PLCB1: variants seen among roughly 807,000 people sequenced by gnomAD.
The protein encoded by PLCB1 is phospholipase C beta 1, also known as 1-phosphatidylinositol 4,5-bisphosphate phosphodiesterase beta-1.
PLCB1 carries 46 observed loss-of-function variants against 161.8 expected under a neutral mutation model. The ratio of observed to expected loss-of-function variants is 0.28; its 90% CI spans 0.22 to 0.36. PLCB1 has a LOEUF of 0.36. Among genes scored for constraint, PLCB1 ranks in the 10% least tolerant of loss-of-function variants. The pLI is 1.00. For synonymous variants in PLCB1, 517 were observed against 503.7 expected, an observed-to-expected ratio of 1.03 and a Z score of -0.35; for missense variants, 1,016 against 1,472.5, an observed-to-expected ratio of 0.69 and a Z score of 5.07.
chr20:8,688,856 G>GA (rs1351987807), intron 10 of PLCB1, among the ~76,000 whole-genome samples: 12 of 152,104 alleles, frequency 7.9e-5, no homozygotes, highest in African/African-American at 2.7e-4. Context: ...ATGAATTTTA[G>GA]AATTGTTTTT....
intron 3 of PLCB1, among the ~76,000 whole-genome samples, chr20:8,427,496 C>G (rs1302573603): frequency 6.6e-6 from 1 of 152,162 alleles, no homozygotes; most frequent in African/African-American, 2.4e-5. Context: ...TTTAAAAAGA[C>G]TTTGAGTAAA....
Position 8,667,292 on chromosome 20 carries a change from C to T in PLCB1, c.862+8588C>T, listed in dbSNP as rs138460567. ...CCTCCTATTGACTCTCTAACCTCTG[C>T]GGAAGGTTACAGAAAAATGGCATTG... On this transcript the variant is annotated intron_variant, in intron 9 of 31. Transcript: ENST00000338037. Among the ~76,000 whole-genome samples the T allele has an allele frequency of 5.0e-3, 760 of 152,244 alleles. 2 individuals carry two copies. The highest frequency in any genetic ancestry group is 8.7e-3 in the Non-Finnish European group (589 of 68,022).
chr20:8,751,304 C>T (rs1306019138), intron 23 of PLCB1: 2 of 155,006 alleles, frequency 1.3e-5, no homozygotes, highest in African/African-American at 4.8e-5. Context: ...TCTAATAGCC[C>T]AGTAATACAT....
chr20:8,670,106 A>G (rs1212655581), intron 9 of PLCB1, among the ~76,000 whole-genome samples: 2 of 152,218 alleles, frequency 1.3e-5, no homozygotes, highest in Non-Finnish European at 2.9e-5. Flanking sequence ...CAGTACTTAT[A>G]CAAATCCATG....
At chr20:8,381,249 G>T (rs564509454) in intron 3 of PLCB1, among the ~76,000 whole-genome samples, 5 of 152,202 alleles carry the variant, frequency 3.3e-5, no homozygotes, top group Non-Finnish European at 7.3e-5. Context: ...TACATATATT[G>T]ATTTGCATAT....
At chr20:8,300,880 G>A (rs1983879579) in intron 2 of PLCB1, among the ~76,000 whole-genome samples, 1 of 152,180 alleles carries the variant, frequency 6.6e-6, no homozygotes, top group African/African-American at 2.4e-5. Flanking sequence ...CCAGGCTAGA[G>A]TGCTGCTTAC....
At chr20:8,751,675 G>A (rs934807601) in intron 23 of PLCB1, 1 of 152,058 alleles carries the variant, frequency 6.6e-6, no homozygotes, top group Non-Finnish European at 1.5e-5. Context: ...TACTTCTGTG[G>A]TTCATTCTGC....
rs1476803730 is a variant in PLCB1 at position 8,739,355 on chromosome 20, G to A, written c.2303G>A (p.Arg768Gln). 1.9e-6 allele frequency: 3 copies of A among 1,601,066 alleles called. No homozygotes were observed. The highest frequency in any genetic ancestry group is 2.2e-5 in the East Asian group (1 of 44,838). The change falls in exon 21 of 32, where the codon CGG (arginine) becomes CAG (glutamine). Residue 768 changes from arginine (R) to glutamine (Q), a missense_variant. By Grantham distance (43) the Arg-to-Gln change is conservative (BLOSUM62 1). This residue lies in a region of PLCB1 where 75 missense variants were observed against 117.0 expected (regional missense o/e 0.64). Coordinates refer to ENST00000338037, the MANE Select transcript of PLCB1 (RefSeq NM_015192.4). ...CGTATCTTGCCAGTGCAAGCCATTCGGCCAGGTATGGGTAGTGTGCTGAGA... is the reference window on the plus strand; with the variant it reads ...CGTATCTTGCCAGTGCAAGCCATTCAGCCAGGTATGGGTAGTGTGCTGAGA... Reference protein sequence around the residue: ...GHRILPVQAIRPGYHYICLRN... With the variant: ...GHRILPVQAIQPGYHYICLRN...
chr20:8,276,422 A>G (rs750118515), intron 2 of PLCB1, among the ~76,000 whole-genome samples: 13 of 152,288 alleles, frequency 8.5e-5, no homozygotes, highest in Middle Eastern at 6.8e-3. Context: ...CCTGCCTCAC[A>G]GTATGGTTGT....
chr20:8,654,257 A>G (rs1486451808), intron 7 of PLCB1, among the ~76,000 whole-genome samples: 1 of 152,028 alleles, frequency 6.6e-6, no homozygotes, highest in Non-Finnish European at 1.5e-5. Flanking sequence ...TCTAAAATAA[A>G]TGGGCCTCAT....
chr20:8,319,077 C>A (rs903027857), intron 2 of PLCB1, among the ~76,000 whole-genome samples: 4 of 152,104 alleles, frequency 2.6e-5, no homozygotes, highest in Non-Finnish European at 4.4e-5. Flanking sequence ...TATATAGGCA[C>A]CCATACACAT....
intron 1 of PLCB1, among the ~76,000 whole-genome samples, chr20:8,136,352 C>T (rs948349515): frequency 9.9e-5 from 15 of 152,134 alleles, no homozygotes; most frequent in African/African-American, 4.8e-5. Flanking sequence ...GTCGGCCGGG[C>T]GCGGTGGCTC....
At chr20:8,826,509 AAG>A (rs1491027917) in intron 31 of PLCB1, among the ~76,000 whole-genome samples, 1 of 150,268 alleles carries the variant, frequency 6.7e-6, no homozygotes, top group Non-Finnish European at 1.5e-5. Context: ...AAAAAAAAAA[AAG>A]AAAAGAAAAG....
chr20:8,654,558 A>G (rs1989401150), intron 7 of PLCB1, among the ~76,000 whole-genome samples: 1 of 152,054 alleles, frequency 6.6e-6, no homozygotes, highest in East Asian at 1.9e-4. Flanking sequence ...TAAGAAATAT[A>G]AAAAATAAAG....
At chr20:8,235,459 T>C (rs956851361) in intron 2 of PLCB1, among the ~76,000 whole-genome samples, 1 of 152,028 alleles carries the variant, frequency 6.6e-6, no homozygotes, top group African/African-American at 2.4e-5. Context: ...ATCATACTGA[T>C]AAGGCAACAA....
At position 8,668,944 on chromosome 20, in the gene PLCB1, T is replaced by C. The variant is rs150202679; in HGVS notation, c.862+10240T>C. Among the ~76,000 whole-genome samples the C allele has an allele frequency of 7.1e-3, 1,079 of 152,362 alleles. 5 individuals carry two copies. Among genetic ancestry groups the C allele is most frequent in the Middle Eastern group, 0.037 (11 of 294 alleles). ...AAGTACCTGATGCTTATTGAACGCA[T>C]TTCTTTATTCTAACATATACCTAAT... is the stretch of plus-strand genomic sequence containing the variant. On this transcript the variant is annotated intron_variant, in intron 9 of 31. Transcript: ENST00000338037.
chr20:8,444,701 C>G (rs1431307066), intron 3 of PLCB1, among the ~76,000 whole-genome samples: 2 of 152,202 alleles, frequency 1.3e-5, no homozygotes, highest in South Asian at 2.1e-4. Context: ...CACATCCTCT[C>G]CAGTACCTGT....
intron 31 of PLCB1, among the ~76,000 whole-genome samples, chr20:8,815,577 A>G (rs971254161): frequency 6.1e-5 from 9 of 147,716 alleles, no homozygotes; most frequent in Admixed American, 6.0e-4. Flanking sequence ...CGACGTGGAA[A>G]GAGGCCCAAG....
At chr20:8,437,336 G>A (rs954245441) in intron 3 of PLCB1, among the ~76,000 whole-genome samples, 3 of 152,160 alleles carry the variant, frequency 2.0e-5, no homozygotes, top group Admixed American at 1.3e-4. Context: ...ATATTCTAAA[G>A]CTACTATTTA....
Sources: allele counts gnomAD v4.1 joint callset (sites outside exome capture counted in the v4.1 genomes callset), GRCh38; gene constraint gnomAD v4.1.1; regional missense constraint gnomAD v4.1.1; transcripts MANE v1.5; gene names NCBI Gene and HGNC (gene_info 2026-07-23, HGNC 2026-07-21).